The following PCDH9 variants were observed in gnomAD, a reference collection of about 807,000 sequenced individuals.
PCDH9 encodes the protein protocadherin-9.
PCDH9 carries 24 observed loss-of-function variants against 70.6 expected under a neutral mutation model. The observed-to-expected ratio is 0.34, with a 90% CI of 0.25 to 0.48. The LOEUF (loss-of-function observed/expected upper bound fraction) is 0.48, where lower values mean the gene tolerates loss of function less well. PCDH9 is among the 20% of genes least tolerant of loss of function. The probability of loss-of-function intolerance (pLI) is 0.99; values close to 1 mark genes in which losing one functional copy is unlikely to be tolerated. For missense variants in PCDH9, 1,281 were observed against 1,503.6 expected, an observed-to-expected ratio of 0.85 and a Z score of 2.45; for synonymous variants, 562 against 558.5, an observed-to-expected ratio of 1.01 and a Z score of -0.09.
At chr13:66,947,118 G>T (rs948684241) in intron 2 of PCDH9, among the ~76,000 whole-genome samples, 2 of 152,154 alleles carry the variant, frequency 1.3e-5, no homozygotes, top group Admixed American at 1.3e-4. Context: ...AGGTGTAGCT[G>T]GTTGGCATGA....
intron 4 of PCDH9, among the ~76,000 whole-genome samples, chr13:66,428,417 G>A (rs1279551250): frequency 6.6e-6 from 1 of 151,666 alleles, no homozygotes; most frequent in Non-Finnish European, 1.5e-5. Flanking sequence ...GGAACTAGAT[G>A]AAGGTCTTAG....
intron 2 of PCDH9, among the ~76,000 whole-genome samples, chr13:66,980,724 T>C (rs2083728047): frequency 8.3e-6 from 1 of 120,466 alleles, no homozygotes; most frequent in Non-Finnish European, 1.6e-5. Flanking sequence ...TCCTGTTTTT[T>C]TCTTTGTTTT....
chr13:66,809,781 C>CAA (rs11385936), intron 3 of PCDH9, among the ~76,000 whole-genome samples: 34 of 151,622 alleles, frequency 2.2e-4, no homozygotes, highest in Middle Eastern at 3.4e-3. Flanking sequence ...TAGTACTTGG[C>CAA]AAAAAAAAGA....
chr13:67,125,762 T>A (rs190271770), intron 2 of PCDH9, among the ~76,000 whole-genome samples: 1 of 152,298 alleles, frequency 6.6e-6, no homozygotes, highest in East Asian at 1.9e-4. Flanking sequence ...AATTTGCCTT[T>A]ATTTAACATT....
At chr13:66,436,621 C>T (rs1957871678) in intron 4 of PCDH9, among the ~76,000 whole-genome samples, 1 of 152,180 alleles carries the variant, frequency 6.6e-6, no homozygotes, top group Admixed American at 6.5e-5. Context: ...AGTAGTCTAA[C>T]TTTACTTCTG....
intron 2 of PCDH9, among the ~76,000 whole-genome samples, chr13:67,031,431 G>A (rs768030366): frequency 6.6e-5 from 10 of 152,100 alleles, no homozygotes; most frequent in Non-Finnish European, 1.0e-4. Context: ...CAGGCCAGGC[G>A]AGGTGGTTCA....
At chr13:66,350,334 C>T (rs1182986286) in intron 4 of PCDH9, among the ~76,000 whole-genome samples, 1 of 152,140 alleles carries the variant, frequency 6.6e-6, no homozygotes, top group Admixed American at 6.6e-5. Context: ...TAACACAGCC[C>T]TTAATGACTT....
chr13:66,614,782 T>G (rs958865493), intron 4 of PCDH9, among the ~76,000 whole-genome samples: 4 of 152,220 alleles, frequency 2.6e-5, no homozygotes, highest in African/African-American at 9.6e-5. Flanking sequence ...AAGGGTACAC[T>G]CGCCAGCAGT....
At chr13:66,773,385 T>C (rs2079839377) in intron 3 of PCDH9, among the ~76,000 whole-genome samples, 1 of 152,056 alleles carries the variant, frequency 6.6e-6, no homozygotes, top group African/African-American at 2.4e-5. Context: ...TCCCAGTACT[T>C]TGGGAGGCCG....
chr13:66,379,089 C>T (rs181181789), intron 4 of PCDH9, among the ~76,000 whole-genome samples: 270 of 152,300 alleles, frequency 1.8e-3, no homozygotes, highest in Non-Finnish European at 3.0e-3. Context: ...GTGACTACTT[C>T]GCTTAACACT....
chr13:66,861,885 G>A (rs769832047), intron 3 of PCDH9, among the ~76,000 whole-genome samples: 14 of 151,950 alleles, frequency 9.2e-5, no homozygotes, highest in Admixed American at 4.6e-4. Flanking sequence ...TGAAGTTGAC[G>A]GTTTCAAGCC....
intron 2 of PCDH9, among the ~76,000 whole-genome samples, chr13:67,012,253 TA>T: frequency 6.6e-6 from 1 of 151,840 alleles, no homozygotes; most frequent in African/African-American, 2.4e-5. Flanking sequence ...AGAAATTCAA[TA>T]AATGTAACCT....
chr13:67,127,991 A>G (rs745307707), intron 2 of PCDH9, among the ~76,000 whole-genome samples: 24 of 152,150 alleles, frequency 1.6e-4, no homozygotes, highest in Non-Finnish European at 2.1e-4. Flanking sequence ...TTTGGAGGAT[A>G]TTACAGCGGT....
intron 2 of PCDH9, among the ~76,000 whole-genome samples, chr13:67,099,325 G>T (rs1368036649): frequency 1.3e-5 from 2 of 152,120 alleles, no homozygotes; most frequent in Non-Finnish European, 2.9e-5. Flanking sequence ...AATTAACGTG[G>T]CTTGCATAAT....
intron 3 of PCDH9, among the ~76,000 whole-genome samples, chr13:66,690,862 G>A (rs576103330): frequency 6.6e-6 from 1 of 152,272 alleles, no homozygotes; most frequent in South Asian, 2.1e-4. Context: ...CTACATGCTA[G>A]AATGCAAGCA....
At chr13:66,803,764 G>A (rs75386423) in intron 3 of PCDH9, among the ~76,000 whole-genome samples, 11 of 152,154 alleles carry the variant, frequency 7.2e-5, no homozygotes, top group Admixed American at 7.2e-4. Flanking sequence ...AATTTGACCC[G>A]TGAGAAGGAA....
At chr13:66,527,514 C>T (rs548266893) in intron 4 of PCDH9, among the ~76,000 whole-genome samples, 15 of 152,200 alleles carry the variant, frequency 9.9e-5, no homozygotes, top group Non-Finnish European at 1.9e-4. Flanking sequence ...ACTTCTTATG[C>T]ATCAAAATAG....
intron 3 of PCDH9, among the ~76,000 whole-genome samples, chr13:66,853,045 T>C (rs1435180984): frequency 6.6e-6 from 1 of 151,980 alleles, no homozygotes; most frequent in Admixed American, 6.6e-5. Flanking sequence ...CTAAATACTC[T>C]AATTATTGAT....
intron 3 of PCDH9, among the ~76,000 whole-genome samples, chr13:66,853,173 AGTTT>A (rs2081341481): frequency 6.7e-6 from 1 of 149,438 alleles, no homozygotes; most frequent in Non-Finnish European, 1.5e-5. Flanking sequence ...AAAAAAAGTT[AGTTT>A]ACCAGTCAAA....
Sources: gnomAD v4.1 joint callset for allele counts (sites outside exome capture counted in the v4.1 genomes callset) on GRCh38, gnomAD v4.1.1 for gene constraint, MANE v1.5 for transcripts, NCBI Gene and HGNC (gene_info 2026-07-23, HGNC 2026-07-21) for gene names.